MAP3K10: variants seen among roughly 807,000 people sequenced by gnomAD.
The protein encoded by MAP3K10 is mitogen-activated protein kinase kinase kinase 10.
Under a neutral mutation model 75.0 loss-of-function variants are expected in MAP3K10, and 22 were observed. The observed-to-expected ratio is 0.29, with a 90% CI of 0.21 to 0.42. The LOEUF (loss-of-function observed/expected upper bound fraction) is 0.42. Among genes scored for constraint, MAP3K10 ranks in the 10% least tolerant of loss-of-function variants. The pLI is 1.00. For synonymous variants in MAP3K10, 599 were observed against 612.9 expected, an observed-to-expected ratio of 0.98 and a Z score of 0.34; for missense variants, 1,165 against 1,379.8, an observed-to-expected ratio of 0.84 and a Z score of 2.47.
chr19:40,193,037 A>G (rs1378352944), intron 1 of MAP3K10, among the ~76,000 whole-genome samples: 2 of 152,174 alleles, frequency 1.3e-5, no homozygotes, highest in Non-Finnish European at 1.5e-5. Context: ...CCATCCAGCC[A>G]TGCTGCCAGA....
At chr19:40,195,333 T>A (rs1972884558) in intron 1 of MAP3K10, among the ~76,000 whole-genome samples, 1 of 152,022 alleles carries the variant, frequency 6.6e-6, no homozygotes, top group Non-Finnish European at 1.5e-5. Flanking sequence ...CCATGAGATG[T>A]TCCCTCTGTC....
chr19:40,214,002 T>TCCCCACCCCCCACCCCCCCCCCCCC lies in MAP3K10; in HGVS notation c.2330_2331insCCCCACCCCCCCCCCCCCCCCCACC (p.Ser779ThrfsTer81). On this transcript the variant is annotated frameshift_variant, in exon 9 of 10. Coordinates refer to ENST00000253055, the MANE Select transcript of MAP3K10 (RefSeq NM_002446.4). LOFTEE classifies it high-confidence loss of function. ...TGACGAGGCCGCACCGGCCGCGCCC[T>TCCCCACCCCCCACCCCCCCCCCCCC]CCCCACCACCCTCCCCGCCCGCGCC... 2 of 1,493,668 alleles carry TCCCCACCCCCCACCCCCCCCCCCCC rather than the reference T, an allele frequency of 1.3e-6. No individual in the cohort carries two copies. Among genetic ancestry groups the TCCCCACCCCCCACCCCCCCCCCCCC allele is most frequent in the Non-Finnish European group, 1.8e-6 (2 of 1,123,852 alleles). 92.5% of individuals were successfully genotyped at this position (1,493,668 alleles called of 1,614,324 possible).
chr19:40,196,034 T>C (rs921359826), intron 1 of MAP3K10, among the ~76,000 whole-genome samples: 2 of 152,174 alleles, frequency 1.3e-5, no homozygotes, highest in African/African-American at 4.8e-5. Context: ...AAGGCCCTAT[T>C]GCTTCAGGCA....
At chr19:40,195,730 G>T (rs1465389224) in intron 1 of MAP3K10, among the ~76,000 whole-genome samples, 1 of 151,952 alleles carries the variant, frequency 6.6e-6, no homozygotes, top group Non-Finnish European at 1.5e-5. Flanking sequence ...CCTGACCTCA[G>T]GTGATCCGCC....
Position 40,206,123 on chromosome 19 carries a change from G to A in MAP3K10, c.1401G>A (p.Leu467=), listed in dbSNP as rs145321643. ...GNFKRSRLLK[L]REGGSHISLP... ...TCAAGCGCAGCCGCCTGCTCAAGCT[G>A]CGGGAAGGCGGCAGCCACATCAGCC... Residue 467 remains leucine, a synonymous_variant, in exon 5 of 10, where the codon CTG becomes CTA. Transcript: ENST00000253055. The A allele has an allele frequency of 2.7e-4, 430 of 1,610,396 alleles. No homozygotes were observed. In the African/African-American group the frequency reaches 4.9e-3, roughly 18 times the overall value.
intron 6 of MAP3K10, among the ~76,000 whole-genome samples, chr19:40,210,562 G>A (rs1012054338): frequency 1.3e-5 from 2 of 152,150 alleles, no homozygotes; most frequent in Non-Finnish European, 2.9e-5. Flanking sequence ...TTAGCTAGGC[G>A]TGGTGGCGCA....
intron 1 of MAP3K10, among the ~76,000 whole-genome samples, chr19:40,194,793 A>G (rs1299697335): frequency 6.6e-6 from 1 of 152,196 alleles, no homozygotes; most frequent in Non-Finnish European, 1.5e-5. Flanking sequence ...CTCTGGGATT[A>G]CAGAAGTGAA....
chr19:40,214,002 T>TGCCCCCCCCCCCCCCC lies in MAP3K10; in HGVS notation c.2323_2324insGCCCCCCCCCCCCCCC (p.Ser775CysfsTer82). 2 of 1,493,662 alleles carry TGCCCCCCCCCCCCCCC rather than the reference T, an allele frequency of 1.3e-6. No homozygotes were observed. Among genetic ancestry groups the TGCCCCCCCCCCCCCCC allele is most frequent in the Non-Finnish European group, 8.9e-7 (1 of 1,123,848 alleles). 92.5% of individuals were successfully genotyped at this position (1,493,662 alleles called of 1,614,324 possible). ...TGACGAGGCCGCACCGGCCGCGCCC[T>TGCCCCCCCCCCCCCCC]CCCCACCACCCTCCCCGCCCGCGCC... On this transcript the variant is annotated frameshift_variant, in exon 9 of 10. Coordinates refer to ENST00000253055, the MANE Select transcript of MAP3K10 (RefSeq NM_002446.4). LOFTEE classifies it high-confidence loss of function.
rs910369648 is a variant in MAP3K10 at position 40,212,407 on chromosome 19, G to A, written c.1553-398G>A. ...CACAGAGACAAATACCCATACCATGGCAGCAAACACTGGCACCAGATAGGT... is the reference window on the plus strand; with the variant it reads ...CACAGAGACAAATACCCATACCATGACAGCAAACACTGGCACCAGATAGGT... On this transcript the variant is annotated intron_variant, in intron 6 of 9. Coordinates refer to ENST00000253055, the MANE Select transcript of MAP3K10 (RefSeq NM_002446.4). The surrounding 1 kb of genome is among the most constrained non-coding windows in gnomAD (Gnocchi z 4.2). Among the ~76,000 whole-genome samples the A allele has an allele frequency of 2.1e-4, 32 of 152,142 alleles. 1 individual carries two copies. Among genetic ancestry groups the A allele is most frequent in the African/African-American group, 7.7e-4 (32 of 41,416 alleles).
intron 9 of MAP3K10, 44 bp from the exon 10 acceptor site, chr19:40,214,926 C>G (rs773570897): frequency 1.1e-6 from 1 of 875,966 alleles, no homozygotes; most frequent in Admixed American, 1.9e-5. Context: ...TTAATGCCAC[C>G]CTCTGCCCCA....
chr19:40,208,835 T>C (rs1011707353), intron 5 of MAP3K10, among the ~76,000 whole-genome samples: 3 of 152,132 alleles, frequency 2.0e-5, no homozygotes, highest in Non-Finnish European at 2.9e-5. Context: ...AGAGCTCTTG[T>C]GCTTGTACTT....
At chr19:40,214,940 C>T (rs367861816) in intron 9 of MAP3K10, 30 bp from the exon 10 acceptor site, 5 of 1,092,144 alleles carry the variant, frequency 4.6e-6, no homozygotes, top group Non-Finnish European at 6.9e-6. Flanking sequence ...TGCCCCACCC[C>T]ACTCACCTCC....
Position 40,208,360 on chromosome 19 carries a change from T to TTTTA in MAP3K10, c.1436-740_1436-739insATTT, listed in dbSNP as rs1284703563. Among the ~76,000 whole-genome samples the TTTTA allele has an allele frequency of 3.4e-5, 4 of 118,824 alleles. 1 individual carries two copies. Among genetic ancestry groups the TTTTA allele is most frequent in the South Asian group, 6.1e-4 (2 of 3,286 alleles). 78.0% of individuals were successfully genotyped at this position (118,824 alleles called of 152,430 possible). A position where few individuals can be genotyped will look rare whatever the true frequency, so the allele number is the denominator to read the frequency against. ...CTCTTTCTTTCTTTTTTTTTTTTTT[T>TTTTA]TTTTTTTTTGTATTTTTAGTAGAGA... On this transcript the variant is annotated intron_variant, in intron 5 of 9. Transcript: ENST00000253055.
At position 40,215,135 on chromosome 19, in the gene MAP3K10, C is replaced by A; in HGVS notation, c.2708C>A (p.Ser903Tyr). ...CGCTTGGACCCCTGGAAACTGGTCT[C>A]CTTCGGCCGGACACTCACCATCTCG... ...RPRLDPWKLVSFGRTLTISPP... is the reference protein window; with the variant it reads ...RPRLDPWKLVYFGRTLTISPP... Residue 903 changes from serine (S) to tyrosine (Y), a missense_variant, in exon 10 of 10, where the codon TCC (serine) becomes TAC (tyrosine). Coordinates refer to ENST00000253055, the MANE Select transcript of MAP3K10 (RefSeq NM_002446.4). 6.2e-7 allele frequency: 1 copy of A among 1,610,604 alleles called. No individual in the cohort carries two copies. Among genetic ancestry groups the A allele is most frequent in the South Asian group, 1.1e-5 (1 of 90,710 alleles).
Position 40,204,819 on chromosome 19 carries a change from T to C in MAP3K10, c.1012+186T>C. On this transcript the variant is annotated intron_variant, in intron 3 of 9. Transcript: ENST00000253055. This position sits in a 1 kb window ranked among gnomAD's most constrained non-coding sequence, Gnocchi z 4.3. ...TCCATCCCCCACATCCCAGCCCTTG[T>C]TTGGGCCAGGCCCAGAGCTCTCAGG... is the stretch of plus-strand genomic sequence containing the variant. 1.4e-6 allele frequency: 1 copy of C among 736,540 alleles called. No homozygotes were observed. Among genetic ancestry groups the C allele is most frequent in the Non-Finnish European group, 2.2e-6 (1 of 463,356 alleles). 45.6% of individuals were successfully genotyped at this position (736,540 alleles called of 1,614,324 possible). A position where few individuals can be genotyped will look rare whatever the true frequency, so the allele number is the denominator to read the frequency against.
rs573060106 is a variant in MAP3K10, at chr19:40,204,698, C to T, written c.1012+65C>T. Reference sequence around the variant, plus strand: ...AGTGGCAGGGACCTGTGGGCCCAGACCTTTCCCCTTCACACCTATCCATAC... The same window carrying T: ...AGTGGCAGGGACCTGTGGGCCCAGATCTTTCCCCTTCACACCTATCCATAC... On this transcript the variant is annotated intron_variant, in intron 3 of 9. Transcript: ENST00000253055. This position sits in a 1 kb window ranked among gnomAD's most constrained non-coding sequence, Gnocchi z 4.3. 2.4e-4 allele frequency: 374 copies of T among 1,563,166 alleles called. 1 individual carries two copies. The African/African-American group carries it at 4.4e-3, about 19-fold the overall frequency.
chr19:40,192,829 C>A lies in MAP3K10; in HGVS notation c.682+116C>A. The stretch of plus-strand genomic sequence containing the variant: ...ACACTGTGCCTGGAGTGAGAAGGGG[C>A]AGCAGTATGATACCTTCAGGGTGAA... On this transcript the variant is annotated intron_variant, in intron 1 of 9. Transcript: ENST00000253055. The surrounding 1 kb of genome is among the most constrained non-coding windows in gnomAD (Gnocchi z 7.1). 1 of 819,700 alleles carries A rather than the reference C, an allele frequency of 1.2e-6. No individual in the cohort carries two copies. The highest frequency in any genetic ancestry group is 1.8e-6 in the Non-Finnish European group (1 of 545,972). The allele number at this position is 819,700 out of a possible 1,614,324, so 50.8% of individuals were successfully genotyped here.
Position 40,213,585 on chromosome 19 carries a change from C to T in MAP3K10, c.1906C>T (p.Leu636Phe), listed in dbSNP as rs773416271. ...PPSPYSTPSY[L>F]SVPLPAEPSP... is the part of the protein sequence containing the mutation. ...TTCCCCCTACTCGACCCCGTCCTAC[C>T]TCTCAGTGCCACTGCCTGCCGAGCC... Residue 636 changes from leucine (L) to phenylalanine (F), a missense_variant, in exon 9 of 10, where the codon CTC (leucine) becomes TTC (phenylalanine). Around this residue, in one of 2 missense-constraint regions of MAP3K10, gnomAD observed 590 missense variants for 586.6 expected, o/e 1.01. Transcript: ENST00000253055. This position sits in a 1 kb window ranked among gnomAD's most constrained non-coding sequence, Gnocchi z 5.7. 3.7e-6 allele frequency: 6 copies of T among 1,606,294 alleles called. No homozygotes were observed. Among genetic ancestry groups the T allele is most frequent in the South Asian group, 1.1e-5 (1 of 90,738 alleles).
In MAP3K10 at chr19:40,205,073, C is replaced by T; in HGVS notation, c.1013-48C>T. The T allele has an allele frequency of 1.9e-6, 3 of 1,559,858 alleles. No individual in the cohort carries two copies. The Admixed American group carries it at 5.0e-5, about 26-fold the overall frequency. On this transcript the variant is annotated intron_variant, in intron 3 of 9. Transcript: ENST00000253055. The surrounding 1 kb of genome is among the most constrained non-coding windows in gnomAD (Gnocchi z 4.3). ...GCAGGCTGAGTCCCCAGAGCATGACCACTGACACCTCCATGCCCCACCACT... is the reference window on the plus strand; with the variant it reads ...GCAGGCTGAGTCCCCAGAGCATGACTACTGACACCTCCATGCCCCACCACT...
Sources: allele counts gnomAD v4.1 joint callset (sites outside exome capture counted in the v4.1 genomes callset), GRCh38; gene constraint gnomAD v4.1.1; regional missense constraint gnomAD v4.1.1; non-coding constraint Gnocchi (gnomAD v3.1); transcripts MANE v1.5; gene names NCBI Gene and HGNC (gene_info 2026-07-23, HGNC 2026-07-21).